Variants in SULF1 observed in about 807,000 individuals in gnomAD.
SULF1 encodes the protein sulfatase 1, also known as extracellular sulfatase Sulf-1.
A neutral mutation model predicts 110.5 loss-of-function variants in SULF1; 46 were observed. The observed-to-expected ratio is 0.42, with a 90% CI of 0.33 to 0.53. The LOEUF (loss-of-function observed/expected upper bound fraction) is 0.53. Ranked by LOEUF, SULF1 falls within the 20% of genes least tolerant of loss-of-function variation. The probability of loss-of-function intolerance (pLI) is 0.12; values close to 1 mark genes in which losing one functional copy is unlikely to be tolerated. For synonymous variants in SULF1, 371 were observed against 387.1 expected, an observed-to-expected ratio of 0.96 and a Z score of 0.49; for missense variants, 941 against 1,094.2, an observed-to-expected ratio of 0.86 and a Z score of 1.98.
chr8:69,611,633 G>T (rs1313672788), intron 13 of SULF1, among the ~76,000 whole-genome samples: 1 of 152,100 alleles, frequency 6.6e-6, no homozygotes, highest in African/African-American at 2.4e-5. Flanking sequence ...CCACATGCAG[G>T]TAACTTTTTT....
chr8:69,642,275 G>C, intron 22 of SULF1: 1 of 987,168 alleles, frequency 1.0e-6, no homozygotes, highest in Middle Eastern at 2.8e-4. Context: ...CCAGAGCTAT[G>C]GTCTCAGATG....
chr8:69,654,316 C>T (rs1812557992), intron 22 of SULF1, among the ~76,000 whole-genome samples: 1 of 152,082 alleles, frequency 6.6e-6, no homozygotes, highest in Non-Finnish European at 1.5e-5. Context: ...AGGCTTCAGG[C>T]AGCAATACTA....
chr8:69,577,705 A>C (rs1482253082), intron 6 of SULF1, among the ~76,000 whole-genome samples: 6 of 152,158 alleles, frequency 3.9e-5, no homozygotes, highest in African/African-American at 1.4e-4. Flanking sequence ...AGGGAACTCC[A>C]TTTTGCCATT....
At chr8:69,557,888 G>A (rs1308564028) in intron 3 of SULF1, among the ~76,000 whole-genome samples, 1 of 152,170 alleles carries the variant, frequency 6.6e-6, no homozygotes, top group Non-Finnish European at 1.5e-5. Context: ...CTTTTCAGCT[G>A]TCATTGTTTG....
At chr8:69,487,449 G>A (rs576988615) in intron 1 of SULF1, among the ~76,000 whole-genome samples, 6 of 152,312 alleles carry the variant, frequency 3.9e-5, no homozygotes, top group Non-Finnish European at 5.9e-5. Flanking sequence ...GCAGAGTTTC[G>A]CCTGAATTCT....
At chr8:69,536,450 C>T (rs1349497610) in intron 3 of SULF1, among the ~76,000 whole-genome samples, 1 of 152,156 alleles carries the variant, frequency 6.6e-6, no homozygotes, top group East Asian at 1.9e-4. Flanking sequence ...TATCTTACCA[C>T]TACTACTATA....
intron 3 of SULF1, among the ~76,000 whole-genome samples, chr8:69,523,508 T>C (rs1196422557): frequency 3.9e-5 from 6 of 152,106 alleles, no homozygotes; most frequent in Non-Finnish European, 8.8e-5. Context: ...TAGGGGATTC[T>C]ATGTTCTTCT....
chr8:69,635,682 G>A (rs116509686), intron 19 of SULF1, among the ~76,000 whole-genome samples: 2,638 of 152,144 alleles, frequency 0.017, 71 homozygotes, highest in African/African-American at 0.059. Context: ...GACCAGCCTA[G>A]GCAACATGCC....
At chr8:69,640,146 GGAAAGAAA>G (rs1169272374) in intron 21 of SULF1, among the ~76,000 whole-genome samples, 1 of 143,812 alleles carries the variant, frequency 7.0e-6, no homozygotes, top group Non-Finnish European at 1.5e-5. Flanking sequence ...AAGGAAGGAA[GGAAAGAAA>G]GAAAGAAAAA....
At chr8:69,595,643 C>T (rs760309882) in intron 8 of SULF1, among the ~76,000 whole-genome samples, 1 of 152,224 alleles carries the variant, frequency 6.6e-6, no homozygotes, top group Non-Finnish European at 1.5e-5. Flanking sequence ...GAATTGAAGT[C>T]TTATTTCATT....
At chr8:69,595,809 G>A (rs983047172) in intron 8 of SULF1, among the ~76,000 whole-genome samples, 8 of 152,084 alleles carry the variant, frequency 5.3e-5, no homozygotes, top group South Asian at 2.1e-4. Flanking sequence ...AAAGGCCATC[G>A]ACATTAAAAA....
intron 9 of SULF1, among the ~76,000 whole-genome samples, chr8:69,601,404 C>G (rs2130391964): frequency 6.6e-6 from 1 of 152,012 alleles, no homozygotes; most frequent in East Asian, 1.9e-4. Context: ...TGTTTTTGTT[C>G]TACCAAACAA....
At position 69,495,783 on chromosome 8, in the gene SULF1, G is replaced by C. The variant is rs1017291450; in HGVS notation, c.-372G>C. On this transcript the variant is annotated 5_prime_UTR_variant, in exon 2 of 23. Transcript: ENST00000402687. ...TTAACAGGGATTCTTCACTTCTCTT[G>C]AACAAGGAACTCACTCAGAGACTAA... The C allele has an allele frequency of 1.3e-5, 2 of 152,114 alleles. No individual in the cohort carries two copies. Among genetic ancestry groups the C allele is most frequent in the African/African-American group, 4.8e-5 (2 of 41,424 alleles). 9.4% of individuals were successfully genotyped at this position (152,114 alleles called of 1,614,324 possible).
intron 7 of SULF1, among the ~76,000 whole-genome samples, chr8:69,587,009 C>A (rs1214709992): frequency 6.6e-6 from 1 of 152,192 alleles, no homozygotes; most frequent in African/African-American, 2.4e-5. Context: ...ACAAGGACAC[C>A]TTCCCTATCA....
chr8:69,485,777 A>G (rs1205704811), intron 1 of SULF1, among the ~76,000 whole-genome samples: 1 of 152,196 alleles, frequency 6.6e-6, no homozygotes, highest in East Asian at 1.9e-4. Flanking sequence ...TTTGTAATCT[A>G]TGCCTCTACG....
intron 8 of SULF1, among the ~76,000 whole-genome samples, chr8:69,596,563 G>C (rs933609362): frequency 6.6e-6 from 1 of 152,132 alleles, no homozygotes; most frequent in Non-Finnish European, 1.5e-5. Flanking sequence ...AAGATTTTAG[G>C]ACTCACTTTT....
intron 15 of SULF1, among the ~76,000 whole-genome samples, chr8:69,626,931 C>T (rs1361251951): frequency 2.0e-5 from 3 of 152,240 alleles, no homozygotes; most frequent in South Asian, 2.1e-4. Flanking sequence ...AGTGCAGCAG[C>T]GGGCCGAAGG....
intron 1 of SULF1, among the ~76,000 whole-genome samples, chr8:69,471,812 TA>T (rs1322429611): frequency 3.3e-5 from 5 of 152,328 alleles, no homozygotes; most frequent in Admixed American, 3.3e-4. Flanking sequence ...GTATGTTCAA[TA>T]AATGGAAGTG....
chr8:69,497,306 T>C (rs1810433536), intron 2 of SULF1, among the ~76,000 whole-genome samples: 1 of 151,962 alleles, frequency 6.6e-6, no homozygotes, highest in East Asian at 1.9e-4. Flanking sequence ...TACAGGCACC[T>C]GCCACCACGC....
Sources: gnomAD v4.1 joint callset for allele counts (sites outside exome capture counted in the v4.1 genomes callset) on GRCh38, gnomAD v4.1.1 for gene constraint, MANE v1.5 for transcripts, NCBI Gene and HGNC (gene_info 2026-07-23, HGNC 2026-07-21) for gene names.